Variants in NF1 observed in about 807,000 individuals in gnomAD.
NF1 encodes the protein neurofibromin 1.
In NF1, 122 loss-of-function variants were observed where a neutral mutation model predicts 325.7. That is an observed-to-expected ratio of 0.37 (90% CI 0.32 to 0.44). The LOEUF (loss-of-function observed/expected upper bound fraction) is 0.44, where lower values mean the gene tolerates loss of function less well. Ranked by LOEUF, NF1 falls within the 20% of genes least tolerant of loss-of-function variation. The pLI is 1.00. For missense variants in NF1, 2,140 were observed against 3,415.4 expected, an observed-to-expected ratio of 0.63 and a Z score of 9.31; for synonymous variants, 1,091 against 1,186.0, an observed-to-expected ratio of 0.92 and a Z score of 1.65.
chr17:31,246,152 T>G (rs149707798), intron 29 of NF1, among the ~76,000 whole-genome samples: 1 of 152,318 alleles, frequency 6.6e-6, no homozygotes, highest in Non-Finnish European at 1.5e-5. Context: ...TTTGAAAAGG[T>G]CAAAAGGCAA....
intron 5 of NF1, among the ~76,000 whole-genome samples, chr17:31,171,091 A>G (rs756455117): frequency 4.7e-4 from 72 of 152,208 alleles, no homozygotes; most frequent in Non-Finnish European, 8.7e-4. Context: ...CCAGAGATGT[A>G]AAAAGGCAAT....
At chr17:31,303,633 A>G (rs1228689947) in intron 36 of NF1, 1 of 152,216 alleles carries the variant, frequency 6.6e-6, no homozygotes, top group African/African-American at 2.4e-5. Flanking sequence ...GTGCCCCCCC[A>G]ACATGGTAGG....
At chr17:31,270,289 T>G (rs1236887296) in intron 36 of NF1, among the ~76,000 whole-genome samples, 1 of 152,206 alleles carries the variant, frequency 6.6e-6, no homozygotes, top group Non-Finnish European at 1.5e-5. Context: ...GCATATATTG[T>G]TTTTGTAAGA....
intron 14 of NF1, among the ~76,000 whole-genome samples, chr17:31,221,327 T>A (rs545790314): frequency 2.0e-5 from 3 of 152,280 alleles, no homozygotes; most frequent in African/African-American, 7.2e-5. Context: ...GAATGGATAA[T>A]CTGCTATGAA....
intron 5 of NF1, among the ~76,000 whole-genome samples, chr17:31,180,967 G>A (rs927273068): frequency 2.6e-5 from 4 of 152,148 alleles, no homozygotes; most frequent in Non-Finnish European, 5.9e-5. Flanking sequence ...CAAACAGAGA[G>A]CCAAATCATG....
At position 31,285,104 on chromosome 17, in the gene NF1, A is replaced by G. The variant is rs149092323; in HGVS notation, c.4835+19765A>G. On this transcript the variant is annotated intron_variant, in intron 36 of 57. Transcript: ENST00000358273. Reference sequence around the variant, plus strand: ...ACTGCACTCCAGCCTGGGTGACAGCATGAGACTCCATCTTAATAAATAAAT... The same window carrying G: ...ACTGCACTCCAGCCTGGGTGACAGCGTGAGACTCCATCTTAATAAATAAAT... 7.0e-3 allele frequency among the ~76,000 whole-genome samples: 1,066 copies of G among 151,660 alleles called. 11 individuals carry two copies. Among genetic ancestry groups the G allele is most frequent in the Middle Eastern group, 0.024 (7 of 294 alleles).
chr17:31,158,352 G>A lies in NF1; in HGVS notation c.205-658G>A, dbSNP rs546947966. Among the ~76,000 whole-genome samples the A allele has an allele frequency of 3.9e-5, 6 of 152,278 alleles. No individual in the cohort carries two copies. The South Asian group carries it at 1.2e-3, about 32-fold the overall frequency. ...AGGACCATTTATAAATAGGTAAAGA[G>A]ATTTACGGAAAGACATTTAACATTT... On this transcript the variant is annotated intron_variant, in intron 2 of 57. Transcript: ENST00000358273.
chr17:31,230,219 C>T (rs1416495460), intron 22 of NF1, 41 bp from the exon 23 acceptor site: 1 of 1,605,196 alleles, frequency 6.2e-7, no homozygotes, highest in Non-Finnish European at 8.5e-7. Flanking sequence ...TCTCTTTTGT[C>T]TATATCTGAT....
At chr17:31,221,407 T>A (rs2066918967) in intron 14 of NF1, among the ~76,000 whole-genome samples, 1 of 152,144 alleles carries the variant, frequency 6.6e-6, no homozygotes, top group Admixed American at 6.6e-5. Context: ...TACAAGAGAC[T>A]TTGTGGCAAG....
At chr17:31,326,330 G>A in intron 37 of NF1, 78 bp downstream of exon 37, 1 of 1,384,918 alleles carries the variant, frequency 7.2e-7, no homozygotes. Context: ...CTCCCTAGGT[G>A]TCCTACCCCT....
At chr17:31,173,806 C>G (rs912435390) in intron 5 of NF1, among the ~76,000 whole-genome samples, 1 of 152,084 alleles carries the variant, frequency 6.6e-6, no homozygotes, top group Admixed American at 6.6e-5. Context: ...GGATGTCCAA[C>G]AAGAAACTTG....
intron 36 of NF1, among the ~76,000 whole-genome samples, chr17:31,287,259 G>A (rs1441291345): frequency 6.6e-6 from 1 of 152,116 alleles, no homozygotes; most frequent in African/African-American, 2.4e-5. Context: ...CATTAAAATG[G>A]TTATATAGCA....
At chr17:31,319,759 A>G (rs1242905522) in intron 36 of NF1, among the ~76,000 whole-genome samples, 1 of 151,794 alleles carries the variant, frequency 6.6e-6, no homozygotes, top group Non-Finnish European at 1.5e-5. Context: ...TCTGAAGAAA[A>G]AAAAAAAAAA....
chr17:31,184,657 A>AG (rs1248068284), intron 8 of NF1, among the ~76,000 whole-genome samples: 1 of 148,230 alleles, frequency 6.7e-6, no homozygotes, highest in Non-Finnish European at 1.5e-5. Flanking sequence ...CAAAAAAAAA[A>AG]AATAAAAAAA....
chr17:31,239,028 A>G (rs188614155), intron 29 of NF1, among the ~76,000 whole-genome samples: 3 of 152,348 alleles, frequency 2.0e-5, no homozygotes, highest in Admixed American at 2.0e-4. Flanking sequence ...GGCTTTCAAC[A>G]AAACATTACA....
In NF1 at chr17:31,376,690, A is replaced by G. The variant is rs1004067051; in HGVS notation, c.*2535A>G. 4.3e-6 allele frequency: 1 copy of G among 233,152 alleles called. No homozygotes were observed. The highest frequency in any genetic ancestry group is 6.0e-5 in the East Asian group (1 of 16,570). 14.4% of individuals were successfully genotyped at this position (233,152 alleles called of 1,614,324 possible). A position where few individuals can be genotyped will look rare whatever the true frequency, so the allele number is the denominator to read the frequency against. ...AGTTGCCCATTTCTGCGTAATTGAC[A>G]TAAGTTCTGTTAAAAATATTATAAG... On this transcript the variant is annotated 3_prime_UTR_variant, in exon 58 of 58. Transcript: ENST00000358273.
intron 12 of NF1, among the ~76,000 whole-genome samples, chr17:31,207,247 T>A (rs947821694): frequency 6.6e-6 from 1 of 152,180 alleles, no homozygotes; most frequent in Non-Finnish European, 1.5e-5. Context: ...TTTCTTTGAC[T>A]TTTCTGTGTA....
At chr17:31,162,230 A>G (rs1172800878) in intron 3 of NF1, among the ~76,000 whole-genome samples, 2 of 151,826 alleles carry the variant, frequency 1.3e-5, no homozygotes, top group Non-Finnish European at 2.9e-5. Flanking sequence ...TAATCCCAGC[A>G]CTTTGGGAGG....
At position 31,374,121 on chromosome 17, in the gene NF1, G is replaced by A. The variant is rs773159205; in HGVS notation, c.8486G>A (p.Ser2829Asn). ...SQVQKQRSAG[S>N]FKRNSIKKIV is the part of the protein sequence containing the mutation. ...GTGCAGAAGCAAAGAAGCGCTGGCA[G>A]TTTCAAACGTAATAGCATTAAGAAG... The change falls in exon 58 of 58, where the codon AGT (serine) becomes AAT (asparagine). Residue 2829 changes from serine to asparagine, a missense_variant. Ser to Asn is a conservative substitution (Grantham distance 46). Transcript: ENST00000358273. 2.5e-6 allele frequency: 4 copies of A among 1,614,120 alleles called. No homozygotes were observed. The South Asian group carries it at 3.3e-5, about 13-fold the overall frequency.
Sources: allele counts gnomAD v4.1 joint callset (sites outside exome capture counted in the v4.1 genomes callset), GRCh38; gene constraint gnomAD v4.1.1; transcripts MANE v1.5; gene names NCBI Gene and HGNC (gene_info 2026-07-23, HGNC 2026-07-21).